Variants in PELI1 observed in about 807,000 individuals in gnomAD.
PELI1 encodes pellino E3 ubiquitin protein ligase 1.
Under a neutral mutation model 41.3 loss-of-function variants are expected in PELI1, and 15 were observed. That is an observed-to-expected ratio of 0.36 (90% CI 0.24 to 0.56). The LOEUF is 0.56. Ranked by LOEUF, PELI1 falls within the 20% of genes least tolerant of loss-of-function variation. The pLI is 0.82. For synonymous variants in PELI1, 178 were observed against 180.1 expected (o/e 0.99, Z 0.09); for missense variants, 403 against 525.5 (o/e 0.77, Z 2.28).
At chr2:64,114,915 C>CT (rs1373985709) in intron 1 of PELI1, among the ~76,000 whole-genome samples, 3 of 152,030 alleles carry the variant, frequency 2.0e-5, no homozygotes, top group East Asian at 1.9e-4. Flanking sequence ...GAAATTTCCC[C>CT]TTTTTTTGGC....
chr2:64,118,217 T>C (rs944197735), intron 1 of PELI1, among the ~76,000 whole-genome samples: 7 of 152,216 alleles, frequency 4.6e-5, no homozygotes. Context: ...GATATTTCTA[T>C]GAATTCCCTC....
intron 3 of PELI1, 61 bp from the exon 4 acceptor site, chr2:64,100,560 T>A: frequency 1.2e-6 from 1 of 827,730 alleles, no homozygotes; most frequent in South Asian, 1.4e-5. Flanking sequence ...CAGATAATCT[T>A]TTCATTAAAA....
At position 64,108,325 on chromosome 2, in the gene PELI1, T is replaced by G. The variant is rs1219489789; in HGVS notation, c.-15A>C. Reference sequence around the variant, plus strand: ...GGAGAAAACATGAGCTTGGCTGTCTTTCTCAAATCTTTGTTCACTGGTCAG... The same window carrying G: ...GGAGAAAACATGAGCTTGGCTGTCTGTCTCAAATCTTTGTTCACTGGTCAG... On this transcript the variant is annotated 5_prime_UTR_variant, in exon 2 of 7. Transcript: ENST00000358912. 6.4e-7 allele frequency: 1 copy of G among 1,566,922 alleles called. No homozygotes were observed.
intron 1 of PELI1, among the ~76,000 whole-genome samples, chr2:64,113,105 C>T (rs888028406): frequency 6.6e-6 from 1 of 151,650 alleles, no homozygotes; most frequent in Non-Finnish European, 1.5e-5. Context: ...TAGTAAGACT[C>T]CCGTCTCTAC....
intron 1 of PELI1, among the ~76,000 whole-genome samples, chr2:64,113,726 GTAT>G (rs1481464601): frequency 6.6e-6 from 1 of 152,086 alleles, no homozygotes; most frequent in Admixed American, 6.5e-5. Flanking sequence ...ATTAGGAATA[GTAT>G]TATTAATTTG....
intron 1 of PELI1, among the ~76,000 whole-genome samples, chr2:64,135,765 A>G (rs1681698141): frequency 6.6e-6 from 1 of 152,222 alleles, no homozygotes; most frequent in Non-Finnish European, 1.5e-5. Flanking sequence ...TCCAAAATTA[A>G]GTATAGATTT....
intron 1 of PELI1, among the ~76,000 whole-genome samples, chr2:64,128,103 T>A (rs1409950171): frequency 6.6e-6 from 1 of 152,152 alleles, no homozygotes; most frequent in East Asian, 1.9e-4. Flanking sequence ...CCTATTTGTA[T>A]CAAAACTGAG....
Position 64,111,647 on chromosome 2 carries a change from T to C in PELI1, c.-69-3268A>G, listed in dbSNP as rs188797515. On this transcript the variant is annotated intron_variant, in intron 1 of 6. Coordinates refer to ENST00000358912, the MANE Select transcript of PELI1 (RefSeq NM_020651.4). ...TTGTGAGGCAATCAGATTCCTTATT[T>C]AGAAAAATAAACTTATGCTAAGCTA... Among the ~76,000 whole-genome samples the C allele has an allele frequency of 1.6e-3, 241 of 152,318 alleles. 1 individual carries two copies. The highest frequency in any genetic ancestry group is 5.2e-3 in the African/African-American group (216 of 41,566).
chr2:64,105,382 T>G (rs1483985803), intron 2 of PELI1, among the ~76,000 whole-genome samples: 2 of 152,220 alleles, frequency 1.3e-5, no homozygotes, highest in South Asian at 2.1e-4. Context: ...GTTTGCTAAG[T>G]AGTAAACATA....
chr2:64,123,459 C>A (rs1681289350), intron 1 of PELI1, among the ~76,000 whole-genome samples: 1 of 152,062 alleles, frequency 6.6e-6, no homozygotes, highest in East Asian at 1.9e-4. Flanking sequence ...CTAAAAAGGT[C>A]TCATAACTCA....
chr2:64,104,610 T>G, intron 3 of PELI1, 91 bp downstream of exon 3: 1 of 1,391,914 alleles, frequency 7.2e-7, no homozygotes, highest in Non-Finnish European at 9.3e-7. Flanking sequence ...GAAATAGAAA[T>G]GTAAGGGGAA....
At chr2:64,131,963 T>G (rs1228894047) in intron 1 of PELI1, among the ~76,000 whole-genome samples, 1 of 152,112 alleles carries the variant, frequency 6.6e-6, no homozygotes, top group Non-Finnish European at 1.5e-5. Context: ...GCAGAACAGA[T>G]ATGGAAAGAA....
intron 1 of PELI1, among the ~76,000 whole-genome samples, chr2:64,113,002 G>T (rs1295488461): frequency 6.6e-6 from 1 of 151,942 alleles, no homozygotes; most frequent in Non-Finnish European, 1.5e-5. Flanking sequence ...CCTAGGCTGG[G>T]CATGGTGGCT....
intron 1 of PELI1, among the ~76,000 whole-genome samples, chr2:64,109,642 C>T (rs551695027): frequency 4.7e-4 from 72 of 152,262 alleles, no homozygotes; most frequent in Middle Eastern, 3.4e-3. Flanking sequence ...ATCAGTGCCA[C>T]TGCACTCCAA....
chr2:64,128,117 C>T (rs147417494), intron 1 of PELI1, among the ~76,000 whole-genome samples: 3 of 152,124 alleles, frequency 2.0e-5, no homozygotes, highest in South Asian at 2.1e-4. Context: ...AACTGAGATT[C>T]GAAGGTGTGT....
intron 1 of PELI1, among the ~76,000 whole-genome samples, chr2:64,135,071 C>T (rs1385066403): frequency 6.6e-6 from 1 of 152,070 alleles, no homozygotes; most frequent in Non-Finnish European, 1.5e-5. Flanking sequence ...CAGTTTTCCC[C>T]TAAGGTCATA....
chr2:64,102,204 A>G (rs1680463040), intron 3 of PELI1, among the ~76,000 whole-genome samples: 1 of 152,076 alleles, frequency 6.6e-6, no homozygotes, highest in Non-Finnish European at 1.5e-5. Context: ...CCTTTTCTCT[A>G]CAGAGGTATC....
intron 4 of PELI1, among the ~76,000 whole-genome samples, chr2:64,096,839 A>T (rs1343776532): frequency 6.6e-6 from 1 of 152,186 alleles, no homozygotes; most frequent in South Asian, 2.1e-4. Context: ...ACAATAATAT[A>T]CGAAACCCTT....
At chr2:64,138,336 A>G (rs1244974526) in intron 1 of PELI1, among the ~76,000 whole-genome samples, 1 of 152,188 alleles carries the variant, frequency 6.6e-6, no homozygotes, top group Non-Finnish European at 1.5e-5. Context: ...TCTTGCTCCA[A>G]GGAGACCTGC....
Sources: gnomAD v4.1 joint callset for allele counts (sites outside exome capture counted in the v4.1 genomes callset) on GRCh38, gnomAD v4.1.1 for gene constraint, MANE v1.5 for transcripts, NCBI Gene and HGNC (gene_info 2026-07-23, HGNC 2026-07-21) for gene names.